ADAMTSL3: variants seen among roughly 807,000 people sequenced by gnomAD.
ADAMTSL3 encodes the protein ADAMTS like 3.
In ADAMTSL3, 128 loss-of-function variants were observed where a neutral mutation model predicts 201.7. The ratio of observed to expected loss-of-function variants is 0.63; its 90% CI spans 0.55 to 0.73. ADAMTSL3 has a LOEUF of 0.73. Among genes scored for constraint, ADAMTSL3 ranks in the 30% least tolerant of loss-of-function variants. The pLI, the probability that ADAMTSL3 is intolerant of heterozygous loss-of-function variation, is 0.00. For synonymous variants in ADAMTSL3, 738 were observed against 748.4 expected, an observed-to-expected ratio of 0.99 and a Z score of 0.23; for missense variants, 1,990 against 2,119.6, an observed-to-expected ratio of 0.94 and a Z score of 1.20.
intron 20 of ADAMTSL3, among the ~76,000 whole-genome samples, chr15:83,975,282 G>A (rs370784852): frequency 4.6e-5 from 7 of 151,390 alleles, no homozygotes; most frequent in African/African-American, 1.2e-4. Flanking sequence ...GATTACAGGC[G>A]TGAGCCACTG....
chr15:83,838,286 C>T, intron 7 of ADAMTSL3, 71 bp downstream of exon 7: 1 of 1,515,236 alleles, frequency 6.6e-7, no homozygotes, highest in South Asian at 1.3e-5. Context: ...GCTAGAATAA[C>T]ATTTTCTGAA....
At chr15:83,713,990 G>A (rs904507532) in intron 3 of ADAMTSL3, among the ~76,000 whole-genome samples, 2 of 152,138 alleles carry the variant, frequency 1.3e-5, no homozygotes, top group Non-Finnish European at 2.9e-5. Context: ...GACGTGTTGA[G>A]GGCTCTTCCA....
intron 3 of ADAMTSL3, among the ~76,000 whole-genome samples, chr15:83,712,012 T>A (rs2061940008): frequency 6.6e-6 from 1 of 152,182 alleles, no homozygotes. Context: ...GAGAGATAAG[T>A]TCTGTTCTGA....
chr15:83,780,069 T>TAACTC (rs71156099), intron 4 of ADAMTSL3, among the ~76,000 whole-genome samples: 111,437 of 151,216 alleles, frequency 0.74, 41,461 homozygotes, highest in East Asian at 0.98. Context: ...AGACAAGAAA[T>TAACTC]AAATCAGAGC....
intron 9 of ADAMTSL3, among the ~76,000 whole-genome samples, chr15:83,876,142 A>G (rs932578822): frequency 3.3e-5 from 5 of 152,122 alleles, no homozygotes; most frequent in Non-Finnish European, 7.4e-5. Flanking sequence ...TAGCTCTTCA[A>G]ATGTAATCAT....
chr15:83,672,544 C>T (rs2061341869), intron 2 of ADAMTSL3, among the ~76,000 whole-genome samples: 2 of 152,292 alleles, frequency 1.3e-5, no homozygotes, highest in South Asian at 4.1e-4. Context: ...ATGTGAGGGA[C>T]ATGCCTGCCC....
At chr15:83,777,932 C>G (rs936967691) in intron 4 of ADAMTSL3, among the ~76,000 whole-genome samples, 1 of 152,224 alleles carries the variant, frequency 6.6e-6, no homozygotes, top group Admixed American at 6.5e-5. Context: ...TGTAACTGAA[C>G]TGAGAGAGCT....
At chr15:83,914,084 C>G (rs1281818580) in intron 16 of ADAMTSL3, among the ~76,000 whole-genome samples, 2 of 152,226 alleles carry the variant, frequency 1.3e-5, no homozygotes, top group African/African-American at 4.8e-5. Context: ...ATGAAGGAGA[C>G]TGGGTCTGAC....
At chr15:83,756,627 A>T (rs987369449) in intron 3 of ADAMTSL3, among the ~76,000 whole-genome samples, 1 of 145,424 alleles carries the variant, frequency 6.9e-6, no homozygotes, top group Non-Finnish European at 1.5e-5. Flanking sequence ...ATGTCCTAAC[A>T]TTTCAAAATC....
chr15:83,667,136 G>A (rs770822968), intron 2 of ADAMTSL3, among the ~76,000 whole-genome samples: 36 of 151,930 alleles, frequency 2.4e-4, no homozygotes, highest in Non-Finnish European at 4.4e-4. Flanking sequence ...GAAAATATAT[G>A]GATATCTATA....
intron 15 of ADAMTSL3, among the ~76,000 whole-genome samples, chr15:83,911,275 C>CT (rs780002274): frequency 6.6e-6 from 1 of 152,118 alleles, no homozygotes; most frequent in African/African-American, 2.4e-5. Flanking sequence ...ACTACGATCT[C>CT]TTTTTTCTAA....
chr15:83,725,302 TC>T (rs2062157289), intron 3 of ADAMTSL3, among the ~76,000 whole-genome samples: 2 of 152,164 alleles, frequency 1.3e-5, no homozygotes, highest in African/African-American at 4.8e-5. Context: ...TCTCTGAAGA[TC>T]AATAATGCTG....
intron 9 of ADAMTSL3, among the ~76,000 whole-genome samples, chr15:83,883,328 A>G (rs2065315099): frequency 6.6e-6 from 1 of 151,454 alleles, no homozygotes; most frequent in Non-Finnish European, 1.5e-5. Context: ...ACGTGCCACC[A>G]CACCCAGCTA....
chr15:83,932,860 CAG>C (rs1321725336), intron 17 of ADAMTSL3, among the ~76,000 whole-genome samples: 2 of 152,114 alleles, frequency 1.3e-5, no homozygotes, highest in African/African-American at 4.8e-5. Flanking sequence ...GGGGAAAAAA[CAG>C]AATCAGATAC....
At chr15:83,732,807 C>CT (rs995748055) in intron 3 of ADAMTSL3, among the ~76,000 whole-genome samples, 17 of 152,036 alleles carry the variant, frequency 1.1e-4, no homozygotes, top group Admixed American at 2.0e-4. Context: ...ACCTGTTTAT[C>CT]TTTTTTTTGT....
chr15:83,924,277 A>G (rs1045393567), intron 17 of ADAMTSL3, among the ~76,000 whole-genome samples: 3 of 152,226 alleles, frequency 2.0e-5, no homozygotes, highest in Admixed American at 6.5e-5. Context: ...GAATGAACAT[A>G]AACTGGCCTG....
intron 2 of ADAMTSL3, among the ~76,000 whole-genome samples, chr15:83,684,824 T>G (rs1567070684): frequency 2.6e-5 from 4 of 152,320 alleles, no homozygotes; most frequent in Non-Finnish European, 5.9e-5. Flanking sequence ...TCTATATATC[T>G]TCTTTATATA....
chr15:83,719,062 G>A (rs966459193), intron 3 of ADAMTSL3, among the ~76,000 whole-genome samples: 1 of 152,068 alleles, frequency 6.6e-6, no homozygotes, highest in Admixed American at 6.5e-5. Flanking sequence ...CAATAAAGTC[G>A]CAAAAAGGGA....
intron 4 of ADAMTSL3, among the ~76,000 whole-genome samples, chr15:83,783,689 T>A (rs1354697833): frequency 1.3e-5 from 2 of 151,766 alleles, no homozygotes; most frequent in Non-Finnish European, 2.9e-5. Flanking sequence ...GGGATACATC[T>A]AAATTCACCC....
Sources: allele counts gnomAD v4.1 joint callset (sites outside exome capture counted in the v4.1 genomes callset), GRCh38; gene constraint gnomAD v4.1.1; transcripts MANE v1.5; gene names NCBI Gene and HGNC (gene_info 2026-07-23, HGNC 2026-07-21).